The following SIPA1L3 variants were observed in gnomAD, a reference collection of about 807,000 sequenced individuals.
SIPA1L3 encodes signal induced proliferation associated 1 like 3.
A neutral mutation model predicts 150.1 loss-of-function variants in SIPA1L3; 59 were observed. That is an observed-to-expected ratio of 0.39 (90% CI 0.32 to 0.49). The LOEUF is 0.49. Among genes scored for constraint, SIPA1L3 ranks in the 20% least tolerant of loss-of-function variants. The pLI is 0.86. For missense variants in SIPA1L3, 2,211 were observed against 2,489.5 expected (o/e 0.89, Z 2.38); for synonymous variants, 1,070 against 1,077.6 (o/e 0.99, Z 0.14).
intron 1 of SIPA1L3, among the ~76,000 whole-genome samples, chr19:37,976,776 A>G (rs553673422): frequency 1.3e-5 from 2 of 152,164 alleles, no homozygotes; most frequent in Non-Finnish European, 2.9e-5. Context: ...TGTAGTGTAG[A>G]GTATGTGGCT....
At chr19:38,000,707 A>G (rs1231792511) in intron 1 of SIPA1L3, among the ~76,000 whole-genome samples, 2 of 142,636 alleles carry the variant, frequency 1.4e-5, no homozygotes, top group African/African-American at 2.6e-5. Context: ...ATGCTTGGTC[A>G]TGCAAAAGAC....
At chr19:37,964,260 A>T (rs781678902) in intron 1 of SIPA1L3, 1 of 152,128 alleles carries the variant, frequency 6.6e-6, no homozygotes, top group Non-Finnish European at 1.5e-5. Context: ...TTTAAAAATT[A>T]GGCATGGTGG....
At chr19:38,140,544 A>G (rs906439213) in intron 10 of SIPA1L3, among the ~76,000 whole-genome samples, 1 of 152,154 alleles carries the variant, frequency 6.6e-6, no homozygotes, top group African/African-American at 2.4e-5. Context: ...AAGGGGGGCC[A>G]GGCAGGTCTG....
intron 2 of SIPA1L3, among the ~76,000 whole-genome samples, chr19:38,055,831 G>A (rs573002718): frequency 4.6e-5 from 7 of 152,354 alleles, no homozygotes; most frequent in African/African-American, 1.7e-4. Context: ...GAACACTTGG[G>A]AGAAGCTTTA....
At chr19:38,148,007 CACTCCAGCCTGGGTGACAGAGTGAG>C (rs1181916591) in intron 12 of SIPA1L3, among the ~76,000 whole-genome samples, 1 of 151,688 alleles carries the variant, frequency 6.6e-6, no homozygotes, top group Non-Finnish European at 1.5e-5. Flanking sequence ...TGTGACATTG[CACTCCAGCCTGGGTGACAGAGTGAG>C]ACTCTGTCCC....
intron 19 of SIPA1L3, among the ~76,000 whole-genome samples, chr19:38,201,500 T>C (rs1973086377): frequency 6.6e-6 from 1 of 152,270 alleles, no homozygotes; most frequent in Non-Finnish European, 1.5e-5. Flanking sequence ...TAACCCTTTT[T>C]TCCTACCTTT....
At chr19:37,997,727 C>T (rs1336971015) in intron 1 of SIPA1L3, among the ~76,000 whole-genome samples, 3 of 151,516 alleles carry the variant, frequency 2.0e-5, no homozygotes, top group African/African-American at 4.9e-5. Flanking sequence ...ATTATCTGGG[C>T]GCAGTGGTGC....
chr19:37,911,246 T>TATGC (rs2046374661), intron 1 of SIPA1L3, among the ~76,000 whole-genome samples: 2 of 82,912 alleles, frequency 2.4e-5, no homozygotes, highest in Admixed American at 2.5e-4. Flanking sequence ...TTTGTATGTA[T>TATGC]GTGCGTGTGT....
intron 1 of SIPA1L3, among the ~76,000 whole-genome samples, chr19:37,947,837 C>T (rs1568474553): frequency 6.6e-6 from 1 of 152,192 alleles, no homozygotes; most frequent in African/African-American, 2.4e-5. Context: ...CAGTTTCTTG[C>T]CAAATCTCCC....
At chr19:38,117,132 C>T (rs1227579511) in intron 8 of SIPA1L3, among the ~76,000 whole-genome samples, 1 of 152,224 alleles carries the variant, frequency 6.6e-6, no homozygotes, top group Non-Finnish European at 1.5e-5. Context: ...CCTGCTTCTG[C>T]ACCTTGCACT....
At chr19:37,935,058 G>T (rs182330114) in intron 1 of SIPA1L3, among the ~76,000 whole-genome samples, 7 of 152,182 alleles carry the variant, frequency 4.6e-5, no homozygotes, top group Non-Finnish European at 8.8e-5. Context: ...ACCTTGTTAA[G>T]TTCTAGGCCT....
At chr19:38,014,300 C>T (rs965495814) in intron 1 of SIPA1L3, among the ~76,000 whole-genome samples, 51 of 152,162 alleles carry the variant, frequency 3.4e-4, no homozygotes, top group Non-Finnish European at 4.4e-5. Context: ...ACTGATTTCC[C>T]AGTCACTTGG....
chr19:38,137,010 ACG>A (rs1971449958), intron 10 of SIPA1L3, among the ~76,000 whole-genome samples: 2 of 152,212 alleles, frequency 1.3e-5, no homozygotes, highest in African/African-American at 4.8e-5. Flanking sequence ...GACTCTGCTA[ACG>A]CTCAGAGAAT....
At chr19:38,033,131 T>G (rs377577416) in intron 2 of SIPA1L3, among the ~76,000 whole-genome samples, 3 of 152,314 alleles carry the variant, frequency 2.0e-5, no homozygotes, top group East Asian at 3.9e-4. Context: ...GTGTTCCCTC[T>G]CCAAGGGGCA....
intron 1 of SIPA1L3, among the ~76,000 whole-genome samples, chr19:38,007,936 C>G (rs1423221252): frequency 6.6e-6 from 1 of 152,166 alleles, no homozygotes; most frequent in African/African-American, 2.4e-5. Context: ...ACACCATCCT[C>G]CTTGGAATGT....
rs767956086 is a variant in SIPA1L3, at chr19:38,164,933, C to T, written c.4208+27C>T. 7 of 1,503,762 alleles carry T rather than the reference C, an allele frequency of 4.7e-6. No homozygotes were observed. In the African/African-American group the frequency reaches 8.4e-5, roughly 18 times the overall value. The allele number at this position is 1,503,762 out of a possible 1,614,324, so 93.2% of individuals were successfully genotyped here. A position where few individuals can be genotyped will look rare whatever the true frequency, so the allele number is the denominator to read the frequency against. On this transcript the variant is annotated intron_variant, in intron 15 of 21. Coordinates refer to ENST00000222345, the MANE Select transcript of SIPA1L3 (RefSeq NM_015073.3). The surrounding 1 kb of genome is among the most constrained non-coding windows in gnomAD (Gnocchi z 4.1). ...TAAGCTGTTGCACCTAGTCTGGGTT[C>T]TAACCACCTTCCACTTCGCCAGTTC...
intron 16 of SIPA1L3, among the ~76,000 whole-genome samples, chr19:38,187,602 A>G (rs1217458111): frequency 2.0e-5 from 3 of 150,804 alleles, no homozygotes; most frequent in African/African-American, 4.9e-5. Context: ...CTGTAGTCCC[A>G]GCTACTCGGG....
intron 2 of SIPA1L3, among the ~76,000 whole-genome samples, chr19:38,030,911 G>A (rs1226755959): frequency 6.6e-6 from 1 of 152,080 alleles, no homozygotes; most frequent in Admixed American, 6.6e-5. Flanking sequence ...GAAGGGGGAG[G>A]ATTGTGGCAT....
chr19:38,110,451 T>G, intron 8 of SIPA1L3, 67 bp downstream of exon 8: 3 of 1,450,028 alleles, frequency 2.1e-6, no homozygotes, highest in Non-Finnish European at 2.9e-6. Flanking sequence ...CCCAAGTGGG[T>G]CCCAGTACAG....
Sources: gnomAD v4.1 joint callset for allele counts (sites outside exome capture counted in the v4.1 genomes callset) on GRCh38, gnomAD v4.1.1 for gene constraint, Gnocchi (gnomAD v3.1) non-coding constraint, MANE v1.5 for transcripts, NCBI Gene and HGNC (gene_info 2026-07-23, HGNC 2026-07-21) for gene names.